The following TMEM108 variants were observed in gnomAD, a reference collection of about 807,000 sequenced individuals.
TMEM108 encodes the protein cancer/testis antigen 124.
Under a neutral mutation model 35.1 loss-of-function variants are expected in TMEM108, and 12 were observed. The observed-to-expected ratio is 0.34, with a 90% CI of 0.22 to 0.55. The LOEUF (loss-of-function observed/expected upper bound fraction) is 0.55. TMEM108 is among the 20% of genes least tolerant of loss of function. TMEM108 has a pLI of 0.89. For synonymous variants in TMEM108, 287 were observed against 308.6 expected (o/e 0.93, Z 0.73); for missense variants, 680 against 753.3 (o/e 0.90, Z 1.14).
chr3:133,332,232 T>C (rs962722590), intron 3 of TMEM108, among the ~76,000 whole-genome samples: 5 of 152,102 alleles, frequency 3.3e-5, no homozygotes, highest in African/African-American at 1.2e-4. Context: ...CAGAAGATGA[T>C]AAATGGTACA....
intron 2 of TMEM108, among the ~76,000 whole-genome samples, chr3:133,202,972 C>T (rs893846667): frequency 6.6e-6 from 1 of 152,118 alleles, no homozygotes; most frequent in Non-Finnish European, 1.5e-5. Flanking sequence ...TTTCCTTGAG[C>T]AGTGGTTTGT....
chr3:133,041,403 C>T (rs915143917), intron 1 of TMEM108, among the ~76,000 whole-genome samples: 4 of 152,208 alleles, frequency 2.6e-5, no homozygotes, highest in African/African-American at 9.7e-5. Flanking sequence ...TTGTACCCTC[C>T]TTACCAGTAG....
At chr3:133,239,465 C>G (rs1312955238) in intron 3 of TMEM108, among the ~76,000 whole-genome samples, 1 of 152,188 alleles carries the variant, frequency 6.6e-6, no homozygotes, top group East Asian at 1.9e-4. Context: ...CAGACCCCGT[C>G]CCAGAGCAAT....
chr3:133,246,600 A>G (rs1036386057), intron 3 of TMEM108: 1 of 152,282 alleles, frequency 6.6e-6, no homozygotes. Context: ...CACAGAAACA[A>G]TCACATAAAG....
intron 2 of TMEM108, among the ~76,000 whole-genome samples, chr3:133,173,943 G>A (rs1945169320): frequency 6.6e-6 from 1 of 152,226 alleles, no homozygotes; most frequent in African/African-American, 2.4e-5. Flanking sequence ...AGAAAGGGGT[G>A]ACAGACGGCA....
chr3:133,246,644 G>A (rs959130322), intron 3 of TMEM108: 2 of 152,152 alleles, frequency 1.3e-5, no homozygotes, highest in Admixed American at 6.6e-5. Context: ...CCCTGCCCAG[G>A]TGGCCACAGC....
chr3:133,219,802 G>A (rs1264687126), intron 2 of TMEM108, among the ~76,000 whole-genome samples: 2 of 152,072 alleles, frequency 1.3e-5, no homozygotes, highest in Non-Finnish European at 2.9e-5. Context: ...GTATTCTGCT[G>A]CTCTTAGGTG....
intron 2 of TMEM108, 91 bp from the exon 3 acceptor site, chr3:133,229,175 C>A (rs1432051874): frequency 4.0e-6 from 3 of 754,850 alleles, no homozygotes; most frequent in African/African-American, 1.8e-5. Context: ...GTAAGTTAGG[C>A]ATTATAACCA....
At chr3:133,083,324 T>C (rs183025759) in intron 2 of TMEM108, among the ~76,000 whole-genome samples, 2 of 152,084 alleles carry the variant, frequency 1.3e-5, no homozygotes, top group South Asian at 4.1e-4. Context: ...ACCTCACACA[T>C]ACTGAGTGCT....
At chr3:133,179,684 A>G (rs180822346) in intron 2 of TMEM108, among the ~76,000 whole-genome samples, 1,560 of 152,190 alleles carry the variant, frequency 0.01, 31 homozygotes, top group African/African-American at 0.035. Flanking sequence ...GAGGGATAGC[A>G]TTGGGAGATA....
intron 2 of TMEM108, among the ~76,000 whole-genome samples, chr3:133,102,019 T>C (rs1379275316): frequency 1.3e-5 from 2 of 152,264 alleles, no homozygotes; most frequent in African/African-American, 4.8e-5. Context: ...TTTATAGAAG[T>C]ACTAAGTCTT....
At chr3:133,383,373 TGACCACACAGTGA>T (rs1641973332) in intron 4 of TMEM108, among the ~76,000 whole-genome samples, 1 of 152,224 alleles carries the variant, frequency 6.6e-6, no homozygotes, top group Non-Finnish European at 1.5e-5. Flanking sequence ...CCCAAGGTCC[TGACCACACAGTGA>T]GTCAGCCTAG....
intron 3 of TMEM108, among the ~76,000 whole-genome samples, chr3:133,373,145 T>G (rs932861756): frequency 6.6e-6 from 1 of 152,022 alleles, no homozygotes; most frequent in African/African-American, 2.4e-5. Flanking sequence ...GGCAGGCAGA[T>G]TGCTTGAACC....
At chr3:133,308,419 G>C (rs2071075485) in intron 3 of TMEM108, among the ~76,000 whole-genome samples, 1 of 152,120 alleles carries the variant, frequency 6.6e-6, no homozygotes, top group African/African-American at 2.4e-5. Flanking sequence ...TGGTGAGAGA[G>C]GGCATCCTTG....
chr3:133,309,556 G>A (rs557419966), intron 3 of TMEM108, among the ~76,000 whole-genome samples: 9 of 152,112 alleles, frequency 5.9e-5, no homozygotes, highest in South Asian at 4.2e-4. Flanking sequence ...ATTCTGGTAC[G>A]TCGTGTCTTT....
At chr3:133,297,251 A>T (rs1208633497) in intron 3 of TMEM108, among the ~76,000 whole-genome samples, 1 of 152,216 alleles carries the variant, frequency 6.6e-6, no homozygotes, top group Non-Finnish European at 1.5e-5. Context: ...AGGGTATTGG[A>T]CCATGCTGAC....
chr3:133,090,440 C>T lies in TMEM108; in HGVS notation c.-47+44420C>T, dbSNP rs146765125. 3.2e-3 allele frequency among the ~76,000 whole-genome samples: 482 copies of T among 152,304 alleles called. 3 individuals carry two copies. Among genetic ancestry groups the T allele is most frequent in the African/African-American group, 0.011 (457 of 41,568 alleles). Reference sequence around the variant, plus strand: ...TATTGTTGGGATTAAGTAATAGGGGCGTGAGGCCCTTGTATCTTTAGGATT... The same window carrying T: ...TATTGTTGGGATTAAGTAATAGGGGTGTGAGGCCCTTGTATCTTTAGGATT... On this transcript the variant is annotated intron_variant, in intron 2 of 5. Transcript: ENST00000321871.
chr3:133,358,476 A>G (rs1333271752), intron 3 of TMEM108, among the ~76,000 whole-genome samples: 3 of 152,050 alleles, frequency 2.0e-5, no homozygotes, highest in Non-Finnish European at 2.9e-5. Context: ...GGCCAAGTCT[A>G]TAGTCTTACA....
chr3:133,317,817 A>G (rs1042615229), intron 3 of TMEM108, among the ~76,000 whole-genome samples: 1 of 152,240 alleles, frequency 6.6e-6, no homozygotes, highest in Non-Finnish European at 1.5e-5. Flanking sequence ...TGGTACTGAT[A>G]TTCTAGAGGG....
Sources: allele counts gnomAD v4.1 joint callset (sites outside exome capture counted in the v4.1 genomes callset), GRCh38; gene constraint gnomAD v4.1.1; transcripts MANE v1.5; gene names NCBI Gene and HGNC (gene_info 2026-07-23, HGNC 2026-07-21).